OXR1: variants seen among roughly 807,000 people sequenced by gnomAD.
OXR1 encodes oxidation resistance protein 1.
In OXR1, 41 loss-of-function variants were observed where a neutral mutation model predicts 104.6. That is an observed-to-expected ratio of 0.39 (90% CI 0.31 to 0.51). OXR1 has a LOEUF of 0.51. Ranked by LOEUF, OXR1 falls within the 20% of genes least tolerant of loss-of-function variation. The probability of loss-of-function intolerance (pLI) is 0.77; values close to 1 mark genes in which losing one functional copy is unlikely to be tolerated. For synonymous variants in OXR1, 348 were observed against 348.4 expected, an observed-to-expected ratio of 1.00 and a Z score of 0.01; for missense variants, 955 against 1,031.9, an observed-to-expected ratio of 0.93 and a Z score of 1.02.
chr8:106,436,875 A>G (rs1819598926), intron 2 of OXR1, among the ~76,000 whole-genome samples: 1 of 152,142 alleles, frequency 6.6e-6, no homozygotes, highest in Non-Finnish European at 1.5e-5. Context: ...TTGACCTGAA[A>G]TACATGCTCC....
intron 3 of OXR1, among the ~76,000 whole-genome samples, chr8:106,552,140 A>G (rs1815890405): frequency 6.6e-6 from 1 of 152,070 alleles, no homozygotes; most frequent in Non-Finnish European, 1.5e-5. Context: ...GTGATCATTC[A>G]TACTAGGGGA....
intron 1 of OXR1, among the ~76,000 whole-genome samples, chr8:106,295,603 T>A (rs1484147742): frequency 6.6e-6 from 1 of 152,146 alleles, no homozygotes; most frequent in African/African-American, 2.4e-5. Flanking sequence ...AGAAGTGGTA[T>A]TTGGCAAAAC....
chr8:106,332,478 G>T (rs2130231530), intron 1 of OXR1, among the ~76,000 whole-genome samples: 1 of 152,304 alleles, frequency 6.6e-6, no homozygotes, highest in African/African-American at 2.4e-5. Context: ...GATTATAGGT[G>T]AAACTAAGAA....
intron 2 of OXR1, among the ~76,000 whole-genome samples, chr8:106,404,511 C>T (rs980557318): frequency 6.6e-6 from 1 of 152,170 alleles, no homozygotes; most frequent in South Asian, 2.1e-4. Flanking sequence ...ACAGGAGTAA[C>T]AGGTTTCCTT....
intron 3 of OXR1, among the ~76,000 whole-genome samples, chr8:106,648,293 A>G (rs2130989976): frequency 6.6e-6 from 1 of 152,332 alleles, no homozygotes; most frequent in Admixed American, 6.5e-5. Context: ...ATTGAACATT[A>G]AACAGAACTT....
intron 1 of OXR1, among the ~76,000 whole-genome samples, chr8:106,299,105 C>T (rs1813126350): frequency 6.6e-6 from 1 of 152,100 alleles, no homozygotes; most frequent in African/African-American, 2.4e-5. Flanking sequence ...GTTCATTGCT[C>T]ACTCATGTGA....
At chr8:106,387,695 A>T (rs1013783874) in intron 2 of OXR1, among the ~76,000 whole-genome samples, 2 of 152,204 alleles carry the variant, frequency 1.3e-5, no homozygotes, top group Non-Finnish European at 2.9e-5. Context: ...TGCATCTCTC[A>T]TAGTATTTAA....
At chr8:106,613,696 G>T (rs1820979090) in intron 3 of OXR1, among the ~76,000 whole-genome samples, 2 of 152,200 alleles carry the variant, frequency 1.3e-5, no homozygotes, top group Non-Finnish European at 2.9e-5. Flanking sequence ...ACTGAGCCCA[G>T]CCTGTTATGT....
At chr8:106,750,558 G>A (rs560564630) in intron 16 of OXR1, among the ~76,000 whole-genome samples, 19 of 152,060 alleles carry the variant, frequency 1.2e-4, no homozygotes, top group African/African-American at 3.4e-4. Context: ...TTGAACTCCC[G>A]ACCTCAGGTG....
intron 3 of OXR1, among the ~76,000 whole-genome samples, chr8:106,527,703 G>A (rs1275750658): frequency 6.6e-6 from 1 of 152,202 alleles, no homozygotes; most frequent in East Asian, 1.9e-4. Context: ...TATACAGATT[G>A]TCAGTCTTTT....
At chr8:106,588,754 C>T (rs931914371) in intron 3 of OXR1, among the ~76,000 whole-genome samples, 3 of 152,184 alleles carry the variant, frequency 2.0e-5, no homozygotes, top group Non-Finnish European at 4.4e-5. Flanking sequence ...GCTGGGATTA[C>T]AGGTATGAGC....
chr8:106,397,724 A>G (rs575261054), intron 2 of OXR1, among the ~76,000 whole-genome samples: 1 of 152,266 alleles, frequency 6.6e-6, no homozygotes, highest in East Asian at 1.9e-4. Context: ...TTAAAAGTCA[A>G]CATGACCCAA....
intron 1 of OXR1, among the ~76,000 whole-genome samples, chr8:106,338,301 C>T (rs182415835): frequency 1.0e-3 from 157 of 152,094 alleles, no homozygotes; most frequent in African/African-American, 3.3e-3. Context: ...TAGGGCTGGG[C>T]GTGGTGGCTT....
intron 3 of OXR1, among the ~76,000 whole-genome samples, chr8:106,593,877 A>G (rs1192173850): frequency 6.6e-6 from 1 of 152,240 alleles, no homozygotes; most frequent in African/African-American, 2.4e-5. Context: ...TACCAAGGCT[A>G]TATGCAGAAA....
intron 2 of OXR1, among the ~76,000 whole-genome samples, chr8:106,433,543 A>C (rs1368756092): frequency 2.0e-5 from 3 of 152,194 alleles, no homozygotes; most frequent in Admixed American, 6.5e-5. Context: ...TTTGTTTCAG[A>C]GTCAAACCAT....
At chr8:106,712,313 T>A (rs895642476) in intron 10 of OXR1, among the ~76,000 whole-genome samples, 2 of 152,120 alleles carry the variant, frequency 1.3e-5, no homozygotes, top group African/African-American at 4.8e-5. Context: ...ACAGAAGGAC[T>A]TATTACCCAG....
At chr8:106,491,921 GA>G (rs1377652697) in intron 2 of OXR1, among the ~76,000 whole-genome samples, 1 of 151,916 alleles carries the variant, frequency 6.6e-6, no homozygotes, top group Admixed American at 6.6e-5. Flanking sequence ...AAAAATAAAT[GA>G]AAAAAACAAA....
chr8:106,725,150 A>G lies in OXR1; in HGVS notation c.1956+11165A>G, dbSNP rs577161543. ...TTTAGGGTAAATGTAGTGGGGCTGA[A>G]TGAGAGGAATAGGGGAAATGGTTGG... On this transcript the variant is annotated intron_variant, in intron 11 of 16. Coordinates refer to ENST00000517566, the MANE Select transcript of OXR1 (RefSeq NM_001198533.2). Among the ~76,000 whole-genome samples, 16 of 152,140 alleles carry G rather than the reference A, an allele frequency of 1.1e-4. No individual in the cohort carries two copies. In the South Asian group the frequency reaches 3.1e-3, roughly 30 times the overall value.
intron 2 of OXR1, among the ~76,000 whole-genome samples, chr8:106,496,299 A>G (rs939616310): frequency 5.9e-5 from 9 of 152,202 alleles, no homozygotes; most frequent in African/African-American, 2.2e-4. Context: ...CAAGTAATGT[A>G]TGTTTTCATA....
Sources: gnomAD v4.1 joint callset for allele counts (sites outside exome capture counted in the v4.1 genomes callset) on GRCh38, gnomAD v4.1.1 for gene constraint, MANE v1.5 for transcripts, NCBI Gene and HGNC (gene_info 2026-07-23, HGNC 2026-07-21) for gene names.